The following PAK3 variants were observed in gnomAD, a reference collection of about 807,000 sequenced individuals.
The protein encoded by PAK3 is p21 (RAC1) activated kinase 3, also known as serine/threonine-protein kinase PAK 3.
In PAK3, 4 loss-of-function variants were observed where a neutral mutation model predicts 41.0. The observed-to-expected ratio is 0.10, with a 90% CI of 0.05 to 0.22. The LOEUF (loss-of-function observed/expected upper bound fraction) is 0.22, where lower values mean the gene tolerates loss of function less well. Among genes scored for constraint, PAK3 ranks in the 10% least tolerant of loss-of-function variants. The pLI, the probability that PAK3 is intolerant of heterozygous loss-of-function variation, is 1.00. For synonymous variants in PAK3, 146 were observed against 139.6 expected (o/e 1.05, Z -0.32); for missense variants, 205 against 409.9 (o/e 0.50, Z 4.32).
chrX:110,972,530 G>A (rs185407849), intron 1 of PAK3, among the ~76,000 whole-genome samples: 1 of 111,803 alleles, frequency 8.9e-6, no homozygotes, highest in African/African-American at 3.3e-5. Flanking sequence ...CAACAAAAAG[G>A]TCATCTACAC....
intron 11 of PAK3, among the ~76,000 whole-genome samples, chrX:111,180,331 C>G (rs2094451335): frequency 9.0e-6 from 1 of 111,256 alleles, no homozygotes; most frequent in South Asian, 3.8e-4. Flanking sequence ...TTTACGACAT[C>G]CAACACTTGC....
At chrX:111,212,565 G>C (rs1394595453) in intron 16 of PAK3, among the ~76,000 whole-genome samples, 2 of 111,803 alleles carry the variant, frequency 1.8e-5, no homozygotes, top group Non-Finnish European at 3.8e-5. Context: ...ATATATAACT[G>C]AAAGTGTGGA....
intron 1 of PAK3, among the ~76,000 whole-genome samples, chrX:111,054,786 A>T (rs1569289916): frequency 1.8e-5 from 2 of 110,818 alleles, no homozygotes; most frequent in African/African-American, 6.6e-5. Flanking sequence ...TCCTCTGCAA[A>T]CCCCCTGCCT....
rs1328820628 is a variant in PAK3 at position 111,222,217 on chromosome X, C to T, written c.*1770C>T. ...GGAAAGAGATCAGTTACATAGGCCT[C>T]TCTCCTTCTTTGCCAAGGTACATCC... On this transcript the variant is annotated 3_prime_UTR_variant, in exon 18 of 18. Coordinates refer to ENST00000372007, the MANE Select transcript of PAK3 (RefSeq NM_002578.5). 8.9e-6 allele frequency: 1 copy of T among 112,058 alleles called. No homozygotes were observed. Among genetic ancestry groups the T allele is most frequent in the Non-Finnish European group, 1.9e-5 (1 of 53,137 alleles). The allele number at this position is 112,058 out of a possible 1,213,427, so 9.2% of individuals were successfully genotyped here.
Position 111,096,430 on chromosome X carries a change from T to TA in PAK3, c.-353+17dup, listed in dbSNP as rs1347824515. ...ATCCGTGGCAGGTAAATCCCGCGAC[T>TA]AACTGCACCCGGGCTACCGCGGGGG... On this transcript the variant is annotated intron_variant, in intron 1 of 17. Transcript: ENST00000372007. The TA allele has an allele frequency of 1.8e-5, 2 of 111,411 alleles. No individual in the cohort carries two copies. The highest frequency in any genetic ancestry group is 3.8e-5 in the Non-Finnish European group (2 of 53,041). 9.2% of individuals were successfully genotyped at this position (111,411 alleles called of 1,213,427 possible).
chrX:111,091,658 C>T (rs1042493489), upstream of PAK3, among the ~76,000 whole-genome samples: 2 of 111,908 alleles, frequency 1.8e-5, no homozygotes, highest in African/African-American at 6.5e-5. Flanking sequence ...TTGCTCTTTG[C>T]CCAGCAGGTA....
At chrX:111,098,938 G>A (rs147864489) in intron 3 of PAK3, among the ~76,000 whole-genome samples, 2,971 of 110,689 alleles carry the variant, frequency 0.027, 54 homozygotes, top group African/African-American at 0.047. Context: ...CCTGCCGGGG[G>A]CTAGGCGTTT....
intron 1 of PAK3, among the ~76,000 whole-genome samples, chrX:110,963,049 C>G (rs961489019): frequency 8.9e-6 from 1 of 111,989 alleles, no homozygotes; most frequent in Admixed American, 9.5e-5. Flanking sequence ...AGAACTCTGC[C>G]TGAAGAACAA....
intron 1 of PAK3, among the ~76,000 whole-genome samples, chrX:110,965,013 AC>A (rs1400669026): frequency 9.0e-6 from 1 of 111,179 alleles, no homozygotes; most frequent in Non-Finnish European, 1.9e-5. Flanking sequence ...CCAGTGCCAG[AC>A]CCCCAGAACA....
intron 1 of PAK3, among the ~76,000 whole-genome samples, chrX:111,079,330 G>A (rs2092814722): frequency 8.9e-6 from 1 of 111,953 alleles, no homozygotes; most frequent in African/African-American, 3.2e-5. Context: ...TGACTAAGTT[G>A]AAGCTAATGT....
chrX:110,949,807 C>A (rs2090703784), intron 1 of PAK3, among the ~76,000 whole-genome samples: 2 of 111,500 alleles, frequency 1.8e-5, no homozygotes, highest in Admixed American at 1.9e-4. Context: ...CTTCCTTCAA[C>A]CTTATGAAAG....
At chrX:111,047,981 G>A (rs1298403692) in intron 1 of PAK3, among the ~76,000 whole-genome samples, 16 of 110,967 alleles carry the variant, frequency 1.4e-4, no homozygotes, top group African/African-American at 4.6e-4. Flanking sequence ...ATAGCACACT[G>A]TCTAGAAAAA....
At chrX:110,987,100 C>A (rs918693046) in intron 1 of PAK3, among the ~76,000 whole-genome samples, 3 of 111,866 alleles carry the variant, frequency 2.7e-5, no homozygotes, top group African/African-American at 9.8e-5. Flanking sequence ...TTTCTGTGGG[C>A]TCTCAACATT....
chrX:111,016,113 G>C (rs1157337717), intron 1 of PAK3, among the ~76,000 whole-genome samples: 1 of 112,608 alleles, frequency 8.9e-6, no homozygotes, highest in Non-Finnish European at 1.9e-5. Flanking sequence ...CACGCACATA[G>C]TAGGTGCTCA....
At chrX:111,092,169 G>A (rs561684884), upstream of PAK3, among the ~76,000 whole-genome samples, 1 of 112,027 alleles carries the variant, frequency 8.9e-6, no homozygotes, top group South Asian at 3.8e-4. Context: ...GGGGTAGTTT[G>A]CTTGCTTTTG....
At chrX:111,089,985 G>T (rs913818329) in intron 1 of PAK3, among the ~76,000 whole-genome samples, 3 of 110,577 alleles carry the variant, frequency 2.7e-5, no homozygotes, top group African/African-American at 9.9e-5. Context: ...AACTGAATAA[G>T]TCTGTCCTAG....
At chrX:111,147,216 C>G (rs2093957977) in intron 6 of PAK3, among the ~76,000 whole-genome samples, 1 of 111,430 alleles carries the variant, frequency 9.0e-6, no homozygotes. Context: ...GCGCTAGACC[C>G]AAAAAATTAC....
At chrX:110,945,240 T>C (rs1042395455) in intron 1 of PAK3, among the ~76,000 whole-genome samples, 5 of 111,519 alleles carry the variant, frequency 4.5e-5, no homozygotes, top group Non-Finnish European at 9.4e-5. Context: ...TGTGTGTGTG[T>C]GCGTGTGTGT....
chrX:110,951,201 G>A lies in PAK3; in HGVS notation c.-28+6573G>A, dbSNP rs754290350. On this transcript the variant is annotated intron_variant, in intron 1 of 14. Transcript: ENST00000425146. ...TTGTTCTTTCTGCTTCTGATAATGA[G>A]GATCTCTAAATATTTTGGATAGTAA... 1.6e-4 allele frequency among the ~76,000 whole-genome samples: 18 copies of A among 111,668 alleles called. No individual in the cohort carries two copies. In the East Asian group the frequency reaches 5.1e-3, roughly 31 times the overall value.
Sources: gnomAD v4.1 joint callset for allele counts (sites outside exome capture counted in the v4.1 genomes callset) on GRCh38, gnomAD v4.1.1 for gene constraint, MANE v1.5 for transcripts, NCBI Gene and HGNC (gene_info 2026-07-23, HGNC 2026-07-21) for gene names.